DTNB: variants seen among roughly 807,000 people sequenced by gnomAD.
DTNB encodes dystrobrevin beta.
A neutral mutation model predicts 90.7 loss-of-function variants in DTNB; 63 were observed. That is an observed-to-expected ratio of 0.69 (90% CI 0.57 to 0.86). The LOEUF (loss-of-function observed/expected upper bound fraction) is 0.86. DTNB is among the 40% of genes least tolerant of loss of function. DTNB has a pLI of 0.00. For synonymous variants in DTNB, 277 were observed against 286.7 expected (o/e 0.97, Z 0.34); for missense variants, 744 against 807.1 (o/e 0.92, Z 0.95).
At position 25,455,402 on chromosome 2, in the gene DTNB, GA is replaced by G. The variant is rs2059859298; in HGVS notation, c.1169+2del. 6.3e-7 allele frequency: 1 copy of G among 1,591,428 alleles called. No homozygotes were observed. Among genetic ancestry groups the G allele is most frequent in the Non-Finnish European group, 8.5e-7 (1 of 1,169,678 alleles). On this transcript the variant is annotated splice_donor_variant, in intron 11 of 20. Transcript: ENST00000406818. LOFTEE classifies it high-confidence loss of function. ...TACCCACTGCTGCTGCACCACCACT[GA>G]CCGTGCACAGTGCTGCAGACGGGCC...
chr2:25,523,070 C>A (rs946803725), intron 9 of DTNB, among the ~76,000 whole-genome samples: 8 of 152,068 alleles, frequency 5.3e-5, no homozygotes, highest in African/African-American at 1.9e-4. Flanking sequence ...TGGCTACACA[C>A]AAAAGGAAAT....
chr2:25,568,878 C>T (rs762485205), intron 8 of DTNB, among the ~76,000 whole-genome samples: 4 of 152,224 alleles, frequency 2.6e-5, no homozygotes, highest in Non-Finnish European at 4.4e-5. Flanking sequence ...TAAGGCAGAA[C>T]GCAGCAGAAG....
chr2:25,413,742 G>A lies in DTNB; in HGVS notation c.1575+5773C>T, dbSNP rs1216079495. Among the ~76,000 whole-genome samples, 13 of 152,262 alleles carry A rather than the reference G, an allele frequency of 8.5e-5. No homozygotes were observed. The East Asian group carries it at 1.7e-3, about 20-fold the overall frequency. On this transcript the variant is annotated intron_variant, in intron 16 of 20. Transcript: ENST00000406818. ...GTGAATATTGCCACAACACACATAC[G>A]TGTGCATGTGTCTTTATAGCAGCAT...
At chr2:25,526,362 AATATATATAT>A (rs1273988960) in intron 9 of DTNB, among the ~76,000 whole-genome samples, 12 of 99,792 alleles carry the variant, frequency 1.2e-4, no homozygotes, top group South Asian at 3.2e-4. Flanking sequence ...AATATATATA[AATATATATAT>A]ATATATATAT....
chr2:25,567,185 T>C (rs1483848905), intron 8 of DTNB, among the ~76,000 whole-genome samples: 1 of 152,222 alleles, frequency 6.6e-6, no homozygotes, highest in African/African-American at 2.4e-5. Flanking sequence ...GTTTTGTACT[T>C]TGCACAAAGT....
chr2:25,419,385 G>A (rs777325987), intron 16 of DTNB, 130 bp downstream of exon 16: 28 of 1,399,286 alleles, frequency 2.0e-5, no homozygotes, highest in East Asian at 2.5e-5. Context: ...GGGGAGAACC[G>A]CTGGGGGTTT....
At chr2:25,489,937 A>T (rs1397411423) in intron 9 of DTNB, among the ~76,000 whole-genome samples, 1 of 152,214 alleles carries the variant, frequency 6.6e-6, no homozygotes, top group Non-Finnish European at 1.5e-5. Context: ...AAGTAAAAAT[A>T]CATGTTTAAA....
chr2:25,559,465 T>C (rs563779658), intron 8 of DTNB, among the ~76,000 whole-genome samples: 2 of 152,226 alleles, frequency 1.3e-5, no homozygotes, highest in Non-Finnish European at 2.9e-5. Flanking sequence ...TCAGATCATT[T>C]TCCCTTTTCC....
Position 25,576,242 on chromosome 2 carries a change from T to TTC in DTNB, c.876+595_876+596insGA, listed in dbSNP as rs1553551298. Among the ~76,000 whole-genome samples, 56 of 146,162 alleles carry TTC rather than the reference T, an allele frequency of 3.8e-4. 1 individual carries two copies. Among genetic ancestry groups the TTC allele is most frequent in the African/African-American group, 1.3e-3 (51 of 38,244 alleles). ...TTTTGTTTTTTTTTTTTTTTTTTTTTTGAGACAGAGTCTTACTCTGTTGCC... is the reference window on the plus strand; with the variant it reads ...TTTTGTTTTTTTTTTTTTTTTTTTTTTCTGAGACAGAGTCTTACTCTGTTGCC... On this transcript the variant is annotated intron_variant, in intron 8 of 20. Transcript: ENST00000406818.
In DTNB at chr2:25,531,478, A is replaced by G. The variant is rs372415284; in HGVS notation, c.996T>C (p.His332=). The change falls in exon 9 of 21, where the codon CAT becomes CAC. Residue 332 remains histidine, a synonymous_variant. Coordinates refer to ENST00000406818, the MANE Select transcript of DTNB (RefSeq NM_021907.5). ...EQPEKPLDLA[H]IVPPRPLTNM... is the part of the protein sequence containing the mutation. ...ACATCCAGGGGTATACTTACACTAT[A>G]TGTGCAAGGTCAAGTGGTTTCTCTG... 5 of 1,613,506 alleles carry G rather than the reference A, an allele frequency of 3.1e-6. No individual in the cohort carries two copies. In the African/African-American group the frequency reaches 5.3e-5, roughly 17 times the overall value.
chr2:25,643,171 C>T (rs575199503), intron 2 of DTNB, among the ~76,000 whole-genome samples: 12 of 152,284 alleles, frequency 7.9e-5, no homozygotes, highest in Middle Eastern at 3.4e-3. Flanking sequence ...CAACTCCAAT[C>T]AGTCTGGACT....
chr2:25,658,641 T>C (rs1233458246), intron 1 of DTNB, among the ~76,000 whole-genome samples: 1 of 152,194 alleles, frequency 6.6e-6, no homozygotes, highest in African/African-American at 2.4e-5. Flanking sequence ...AAATGCATAA[T>C]GCTAAGTGAA....
chr2:25,486,404 T>C (rs974851903), intron 9 of DTNB, among the ~76,000 whole-genome samples: 6 of 152,098 alleles, frequency 3.9e-5, no homozygotes, highest in African/African-American at 1.4e-4. Flanking sequence ...GGTTGAGGTT[T>C]CAGTGAAACT....
intron 10 of DTNB, among the ~76,000 whole-genome samples, chr2:25,466,427 C>A (rs2061791942): frequency 2.0e-5 from 3 of 152,152 alleles, no homozygotes; most frequent in Admixed American, 2.0e-4. Flanking sequence ...GACCCTGAAC[C>A]CAGGCCTAGG....
chr2:25,514,517 CAT>C (rs1226481315), intron 9 of DTNB, among the ~76,000 whole-genome samples: 2 of 55,716 alleles, frequency 3.6e-5, no homozygotes, highest in Non-Finnish European at 6.5e-5. Flanking sequence ...CAAAAAAAGA[CAT>C]GTGCTGGGTT....
intron 1 of DTNB, among the ~76,000 whole-genome samples, chr2:25,665,619 C>G: frequency 6.6e-6 from 1 of 151,246 alleles, no homozygotes; most frequent in East Asian, 1.9e-4. Flanking sequence ...GAGCAAGACT[C>G]CGTCTCAAAA....
intron 10 of DTNB, among the ~76,000 whole-genome samples, chr2:25,472,267 G>C (rs964979695): frequency 6.6e-6 from 1 of 152,210 alleles, no homozygotes; most frequent in African/African-American, 2.4e-5. Flanking sequence ...TGTTACGGAA[G>C]GCTTATTGGA....
chr2:25,453,804 C>T (rs1057497264), intron 11 of DTNB, among the ~76,000 whole-genome samples: 3 of 152,256 alleles, frequency 2.0e-5, no homozygotes, highest in South Asian at 2.1e-4. Context: ...TCAGGCCCTT[C>T]CTTCCCTCCT....
intron 6 of DTNB, among the ~76,000 whole-genome samples, chr2:25,583,368 A>G (rs188023533): frequency 6.6e-6 from 1 of 151,868 alleles, no homozygotes; most frequent in Non-Finnish European, 1.5e-5. Context: ...GAACAAAATT[A>G]AATGTATCAT....
Sources: allele counts gnomAD v4.1 joint callset (sites outside exome capture counted in the v4.1 genomes callset), GRCh38; gene constraint gnomAD v4.1.1; transcripts MANE v1.5; gene names NCBI Gene and HGNC (gene_info 2026-07-23, HGNC 2026-07-21).